NR3C1: variants seen among roughly 807,000 people sequenced by gnomAD.
NR3C1 encodes the protein nuclear receptor subfamily 3 group C member 1, also known as glucocorticoid receptor.
A neutral mutation model predicts 74.0 loss-of-function variants in NR3C1; 14 were observed. That is an observed-to-expected ratio of 0.19 (90% confidence interval 0.12 to 0.30). The LOEUF (loss-of-function observed/expected upper bound fraction) is 0.30. Ranked by LOEUF, NR3C1 falls within the 10% of genes least tolerant of loss-of-function variation. The pLI is 1.00. For missense variants in NR3C1, 695 were observed against 909.8 expected, an observed-to-expected ratio of 0.76 and a Z score of 3.04; for synonymous variants, 308 against 332.5, an observed-to-expected ratio of 0.93 and a Z score of 0.80.
chr5:143,426,110 G>T (rs545379538), intron 1 of NR3C1, among the ~76,000 whole-genome samples: 1 of 152,170 alleles, frequency 6.6e-6, no homozygotes, highest in Admixed American at 6.5e-5. Flanking sequence ...TGAGTGGAAG[G>T]TGCCAGACAC....
chr5:143,291,399 T>C (rs1448567675), intron 7 of NR3C1, among the ~76,000 whole-genome samples: 1 of 152,064 alleles, frequency 6.6e-6, no homozygotes, highest in Non-Finnish European at 1.5e-5. Context: ...CTAAGTTTTG[T>C]ATTTCTAGTA....
intron 2 of NR3C1, among the ~76,000 whole-genome samples, chr5:143,365,077 G>A (rs1226548426): frequency 6.6e-6 from 1 of 151,814 alleles, no homozygotes; most frequent in African/African-American, 2.4e-5. Flanking sequence ...TACAACAAAA[G>A]AAATGACAAA....
At chr5:143,425,439 G>A (rs1414208491) in intron 1 of NR3C1, among the ~76,000 whole-genome samples, 1 of 152,148 alleles carries the variant, frequency 6.6e-6, no homozygotes, top group Non-Finnish European at 1.5e-5. Flanking sequence ...GGTTGAAATT[G>A]TAGACAACGT....
At chr5:143,336,938 G>A (rs571354709) in intron 2 of NR3C1, among the ~76,000 whole-genome samples, 6 of 151,152 alleles carry the variant, frequency 4.0e-5, no homozygotes, top group Non-Finnish European at 7.4e-5. Flanking sequence ...AGACTGTGCC[G>A]CTGCACTCCA....
At chr5:143,283,292 G>C (rs1813536266) in intron 7 of NR3C1, among the ~76,000 whole-genome samples, 2 of 152,184 alleles carry the variant, frequency 1.3e-5, no homozygotes, top group South Asian at 4.1e-4. Flanking sequence ...CTACAGCCAA[G>C]AGAAAATGCA....
intron 2 of NR3C1, among the ~76,000 whole-genome samples, chr5:143,349,758 C>T (rs926460095): frequency 6.6e-6 from 1 of 152,126 alleles, no homozygotes; most frequent in Non-Finnish European, 1.5e-5. Context: ...GTGAAAAACA[C>T]AAACATGAAC....
chr5:143,347,391 C>T (rs541001577), intron 2 of NR3C1, among the ~76,000 whole-genome samples: 11 of 152,102 alleles, frequency 7.2e-5, no homozygotes, highest in Non-Finnish European at 1.3e-4. Flanking sequence ...CAGACTTTAA[C>T]CCAGTGCTGC....
intron 1 of NR3C1, among the ~76,000 whole-genome samples, chr5:143,416,246 A>T (rs535510213): frequency 6.6e-6 from 1 of 152,276 alleles, no homozygotes; most frequent in South Asian, 2.1e-4. Context: ...CCATGCGCTT[A>T]TGGTGGTATT....
chr5:143,398,492 G>T (rs1219647352), intron 2 of NR3C1, among the ~76,000 whole-genome samples: 2 of 151,600 alleles, frequency 1.3e-5, no homozygotes, highest in Non-Finnish European at 3.0e-5. Context: ...TCCAGGTTAG[G>T]ATAGCTTTCA....
intron 2 of NR3C1, among the ~76,000 whole-genome samples, chr5:143,374,429 T>G (rs992860599): frequency 1.3e-5 from 2 of 151,264 alleles, no homozygotes; most frequent in Non-Finnish European, 2.9e-5. Context: ...AGGCGGAGCT[T>G]GCAGTGAGCC....
intron 2 of NR3C1, among the ~76,000 whole-genome samples, chr5:143,358,120 G>T (rs1831507969): frequency 6.6e-6 from 1 of 152,114 alleles, no homozygotes; most frequent in African/African-American, 2.4e-5. Context: ...TAAGGATTTG[G>T]GTAGATTTCT....
At chr5:143,389,299 G>A (rs543931878) in intron 2 of NR3C1, among the ~76,000 whole-genome samples, 3 of 152,124 alleles carry the variant, frequency 2.0e-5, no homozygotes, top group Admixed American at 1.3e-4. Flanking sequence ...GGACCTTGGA[G>A]ATCATCTAGT....
chr5:143,334,951 GTTA>G (rs1826802913), intron 2 of NR3C1, among the ~76,000 whole-genome samples: 1 of 152,102 alleles, frequency 6.6e-6, no homozygotes, highest in Non-Finnish European at 1.5e-5. Flanking sequence ...ACCAGAAAAG[GTTA>G]TTATGATTTC....
At position 143,300,815 on chromosome 5, in the gene NR3C1, C is replaced by A. The variant is rs375074525; in HGVS notation, c.1469-52G>T. On this transcript the variant is annotated intron_variant, in intron 4 of 8. Transcript: ENST00000394464. The surrounding 1 kb of genome is among the most constrained non-coding windows in gnomAD (Gnocchi z 5.2). ...AAATGAACTGTAATGGGAAGGTCTG[C>A]GCTACACAGTTTATTCAAGAAGTAT... 4.7e-6 allele frequency: 7 copies of A among 1,490,294 alleles called. No individual in the cohort carries two copies. Among genetic ancestry groups the A allele is most frequent in the African/African-American group, 2.8e-5 (2 of 71,164 alleles). 92.3% of individuals were successfully genotyped at this position (1,490,294 alleles called of 1,614,324 possible). A position where few individuals can be genotyped will look rare whatever the true frequency, so the allele number is the denominator to read the frequency against.
upstream of NR3C1, among the ~76,000 whole-genome samples, chr5:143,406,690 C>G (rs547365802): frequency 1.3e-5 from 2 of 152,172 alleles, no homozygotes; most frequent in Non-Finnish European, 2.9e-5. Context: ...GGACAACAGG[C>G]TTACAGAGGT....
intron 4 of NR3C1, among the ~76,000 whole-genome samples, chr5:143,301,160 T>C (rs1463717201): frequency 6.6e-6 from 1 of 151,342 alleles, no homozygotes; most frequent in Non-Finnish European, 1.5e-5. Context: ...TACTATAAAC[T>C]GAAAAAAAAA....
At chr5:143,402,803 C>G (rs1188938766) in intron 1 of NR3C1, 2 of 985,286 alleles carry the variant, frequency 2.0e-6, no homozygotes, top group African/African-American at 3.5e-5. Flanking sequence ...AATATTCGGG[C>G]GAGTAAAATT....
At chr5:143,314,698 C>CT (rs1167574113) in intron 2 of NR3C1, among the ~76,000 whole-genome samples, 7 of 152,252 alleles carry the variant, frequency 4.6e-5, no homozygotes, top group African/African-American at 1.7e-4. Context: ...CATTACAATT[C>CT]TACCCATGTT....
At chr5:143,319,891 C>T (rs1255672780) in intron 2 of NR3C1, among the ~76,000 whole-genome samples, 3 of 152,142 alleles carry the variant, frequency 2.0e-5, no homozygotes, top group East Asian at 1.9e-4. Flanking sequence ...CCTAAACAGT[C>T]CATTCAAGAC....
Sources: gnomAD v4.1 joint callset for allele counts (sites outside exome capture counted in the v4.1 genomes callset) on GRCh38, gnomAD v4.1.1 for gene constraint, Gnocchi (gnomAD v3.1) non-coding constraint, MANE v1.5 for transcripts, NCBI Gene and HGNC (gene_info 2026-07-23, HGNC 2026-07-21) for gene names.